The following LRRC25 variants were observed in gnomAD, a reference collection of about 807,000 sequenced individuals.
LRRC25 encodes leucine-rich repeat-containing protein 25.
LRRC25 carries 5 observed loss-of-function variants against 18.8 expected under a neutral mutation model. That is an observed-to-expected ratio of 0.27 (90% CI 0.14 to 0.56). The LOEUF (loss-of-function observed/expected upper bound fraction) is 0.56. Ranked by LOEUF, LRRC25 falls within the 20% of genes least tolerant of loss-of-function variation. The pLI is 0.93. For missense variants in LRRC25, 341 were observed against 389.8 expected, an observed-to-expected ratio of 0.87 and a Z score of 1.05; for synonymous variants, 161 against 176.8, an observed-to-expected ratio of 0.91 and a Z score of 0.71.
chr19:18,396,301 G>A lies in LRRC25; in HGVS notation c.663C>T (p.Tyr221=), dbSNP rs777229248. ...GGGGCTTGGGGGCGCTCCGGCTGCC[G>A]TACCGTGGCTGCAAGCCTAAACCGG... ...PKPGLGLQPR[Y]GSRSAPKPQV... The change falls in exon 1 of 2, where the codon TAC becomes TAT. Residue 221 remains tyrosine (Y), a synonymous_variant. Transcript: ENST00000339007. The A allele has an allele frequency of 8.9e-5, 143 of 1,613,640 alleles. 1 individual carries two copies. The Admixed American group carries it at 9.3e-4, about 11-fold the overall frequency.
rs139562741 is a variant in LRRC25, at chr19:18,396,942, T to C, written c.22A>G (p.Thr8Ala). The C allele has an allele frequency of 1.5e-3, 2,389 of 1,609,118 alleles. 9 individuals are homozygous for C. The highest frequency in any genetic ancestry group is 1.4e-3 in the Non-Finnish European group (1,697 of 1,177,568). Residue 8 changes from threonine (T) to alanine (A), a missense_variant, in exon 1 of 2, where the codon ACG (threonine) becomes GCG (alanine). Physicochemically the swap from Thr to Ala is moderately conservative, Grantham distance 58. Transcript: ENST00000339007. ...CGCAGCAGCAGCGGCAACAGCAGCG[T>C]CCATGCCAGGGTGCCCCCCATTCAA... The part of the protein sequence containing the change: MGGTLAW[T>A]LLLPLLLRES...
At chr19:18,392,310 G>A (rs774348979) in intron 1 of LRRC25, among the ~76,000 whole-genome samples, 185 bp from the exon 2 acceptor site, 2 of 152,014 alleles carry the variant, frequency 1.3e-5, no homozygotes, top group African/African-American at 2.4e-5. Context: ...TGGACAACAT[G>A]ATGAAACCTC....
chr19:18,392,228 C>T, intron 1 of LRRC25, 103 bp from the exon 2 acceptor site: 1 of 1,240,098 alleles, frequency 8.1e-7, no homozygotes, highest in Non-Finnish European at 1.2e-6. Flanking sequence ...TGCTCTGACT[C>T]ACGCCTGTAA....
intron 1 of LRRC25, among the ~76,000 whole-genome samples, chr19:18,392,461 C>A (rs1445816743): frequency 1.3e-5 from 2 of 151,476 alleles, no homozygotes; most frequent in Admixed American, 1.3e-4. Flanking sequence ...CATTGCACTT[C>A]AGCCTGGGAG....
intron 1 of LRRC25, among the ~76,000 whole-genome samples, chr19:18,395,370 CAAAA>C (rs11334806): frequency 2.8e-5 from 3 of 105,692 alleles, no homozygotes; most frequent in Non-Finnish European, 4.0e-5. Flanking sequence ...GACTCCATCT[CAAAA>C]AAAAAAAAAA....
chr19:18,393,578 G>A (rs184953714), intron 1 of LRRC25, among the ~76,000 whole-genome samples: 7 of 151,940 alleles, frequency 4.6e-5, no homozygotes, highest in Admixed American at 3.9e-4. Flanking sequence ...CCGAGATCAT[G>A]CCATTGCACT....
rs900084496 is a variant in LRRC25, at chr19:18,396,565, G to A, written c.399C>T (p.Gly133=). ...WHDIRRDNCS[G]QKPLLCWDTT... is the part of the protein sequence containing the mutation. ...TGTCCCAGCAGAGCAGAGGCTTCTG[G>A]CCAGAGCAGTTGTCTCGGCGGATGT... The change falls in exon 1 of 2, where the codon GGC becomes GGT. Residue 133 remains glycine (G), a synonymous_variant. Coordinates refer to ENST00000339007, the MANE Select transcript of LRRC25 (RefSeq NM_145256.3). The A allele has an allele frequency of 5.0e-6, 8 of 1,613,752 alleles. No homozygotes were observed. The Admixed American group carries it at 1.2e-4, about 24-fold the overall frequency.
intron 1 of LRRC25, 52 bp from the exon 2 acceptor site, chr19:18,392,177 G>A (rs186091095): frequency 1.9e-6 from 3 of 1,587,450 alleles, no homozygotes. Context: ...GGACTCAGGG[G>A]ACAGGCACAT....
At chr19:18,394,468 G>A (rs894899932) in intron 1 of LRRC25, among the ~76,000 whole-genome samples, 1 of 151,880 alleles carries the variant, frequency 6.6e-6, no homozygotes, top group African/African-American at 2.4e-5. Context: ...GACCATGCCC[G>A]GCTAATTTTT....
At chr19:18,397,622 CAG>C (rs1568334211), upstream of LRRC25, 1 of 152,870 alleles carries the variant, frequency 6.5e-6, no homozygotes, top group Non-Finnish European at 1.5e-5. Context: ...CCCAGCGACT[CAG>C]GGGGAAGAGG....
At chr19:18,395,322 G>C (rs1367989467) in intron 1 of LRRC25, among the ~76,000 whole-genome samples, 1 of 148,194 alleles carries the variant, frequency 6.7e-6, no homozygotes, top group Non-Finnish European at 1.5e-5. Context: ...AGTGAGCCGA[G>C]ATCGTGTCAC....
rs557287474 is a variant in LRRC25 at position 18,392,660 on chromosome 19, C to T, written c.780-535G>A. ...GGAAGGTTCTGTGGGTGTAACGCTG[C>T]GGTCTGAGGACCCTGAACCCTTTTT... On this transcript the variant is annotated intron_variant, in intron 1 of 1. Transcript: ENST00000339007. Among the ~76,000 whole-genome samples the T allele has an allele frequency of 1.2e-4, 18 of 152,162 alleles. 1 individual carries two copies. In the South Asian group the frequency reaches 1.2e-3, roughly 11 times the overall value.
At position 18,396,910 on chromosome 19, in the gene LRRC25, T is replaced by A. The variant is rs1302480339; in HGVS notation, c.54A>T (p.Ser18=). The change falls in exon 1 of 2, where the codon TCA becomes TCT. Residue 18 remains serine, a synonymous_variant. Transcript: ENST00000339007. ...CGGTGCACGACGGTTCTAGGCTGTCTGACTCCCGCAGCAGCAGCGGCAACA... is the reference window on the plus strand; with the variant it reads ...CGGTGCACGACGGTTCTAGGCTGTCAGACTCCCGCAGCAGCAGCGGCAACA... ...TLLLPLLLRE[S]DSLEPSCTVS... The A allele has an allele frequency of 6.2e-7, 1 of 1,612,364 alleles. No individual in the cohort carries two copies. Among genetic ancestry groups the A allele is most frequent in the African/African-American group, 1.3e-5 (1 of 75,042 alleles).
rs568367847 is a variant in LRRC25, at chr19:18,396,288, C to T, written c.676G>A (p.Ala226Thr). 7.2e-4 allele frequency: 1,160 copies of T among 1,612,428 alleles called. 13 individuals carry two copies. In the South Asian group the frequency reaches 0.012, roughly 17 times the overall value. ...GLQPRYGSRS[A>T]PKPQVAVPSC... ...GGCACGGCCACTTGGGGCTTGGGGG[C>T]GCTCCGGCTGCCGTACCGTGGCTGC... The change falls in exon 1 of 2, where the codon GCC (alanine) becomes ACC (threonine). Residue 226 changes from alanine (A) to threonine (T), a missense_variant. Ala to Thr is a moderately conservative substitution (Grantham distance 58). Transcript: ENST00000339007.
rs1399948317 is a variant in LRRC25, at chr19:18,397,237, C to T, written c.-274G>A. 3 of 484,168 alleles carry T rather than the reference C, an allele frequency of 6.2e-6. No homozygotes were observed. The Admixed American group carries it at 1.0e-4, about 17-fold the overall frequency. The allele number at this position is 484,168 out of a possible 1,614,324, so 30.0% of individuals were successfully genotyped here. A position where few individuals can be genotyped will look rare whatever the true frequency, so the allele number is the denominator to read the frequency against. ...TTAACCCCTTCTTCTATGTCCTGAACATTTGGGGCGCCCTCGTTGGCCAGG... is the reference window on the plus strand; with the variant it reads ...TTAACCCCTTCTTCTATGTCCTGAATATTTGGGGCGCCCTCGTTGGCCAGG... On this transcript the variant is annotated 5_prime_UTR_variant, in exon 1 of 2. An upstream start codon of the reference 5' UTR is lost. Transcript: ENST00000339007.
At position 18,397,470 on chromosome 19, in the gene LRRC25, C is replaced by T. The variant is rs974709855; in HGVS notation, c.-507G>A. On this transcript the variant is annotated 5_prime_UTR_variant, in exon 1 of 2. Coordinates refer to ENST00000339007, the MANE Select transcript of LRRC25 (RefSeq NM_145256.3). ...AGTCCTACCTTTTGGGTCCCACTGC[C>T]ACGCTTTTGCCTCTGCGATGCTGGA... The T allele has an allele frequency of 1.9e-5, 3 of 157,198 alleles. No individual in the cohort carries two copies. Among genetic ancestry groups the T allele is most frequent in the Admixed American group, 6.1e-5 (1 of 16,420 alleles). 9.7% of individuals were successfully genotyped at this position (157,198 alleles called of 1,614,324 possible).
chr19:18,395,636 A>T (rs141815370), intron 1 of LRRC25, among the ~76,000 whole-genome samples: 1 of 152,132 alleles, frequency 6.6e-6, no homozygotes, highest in Non-Finnish European at 1.5e-5. Flanking sequence ...AAGGGGGGGA[A>T]GTTTGTCCCA....
Position 18,392,121 on chromosome 19 carries a change from G to T in LRRC25, c.784C>A (p.His262Asn). The part of the protein sequence containing the change: ...AEHQWDEQGA[H>N]PSEDNDFYIN... ...TAAAAGTCATTGTCCTCTGAAGGGT[G>T]AGCCCTGGGGGGACAGACAGACCAG... Residue 262 changes from histidine (H) to asparagine (N), a missense_variant, in exon 2 of 2, where the codon CAC becomes AAC. Transcript: ENST00000339007. 7 of 1,613,824 alleles carry T rather than the reference G, an allele frequency of 4.3e-6. No homozygotes were observed. The highest frequency in any genetic ancestry group is 1.3e-5 in the African/African-American group (1 of 75,046).
At chr19:18,393,506 C>T (rs1384918998) in intron 1 of LRRC25, among the ~76,000 whole-genome samples, 3 of 151,870 alleles carry the variant, frequency 2.0e-5, no homozygotes, top group Admixed American at 1.3e-4. Flanking sequence ...CCCAGCTACT[C>T]GGGAGGCTGA....
Sources: gnomAD v4.1 joint callset for allele counts (sites outside exome capture counted in the v4.1 genomes callset) on GRCh38, gnomAD v4.1.1 for gene constraint, MANE v1.5 for transcripts, NCBI Gene and HGNC (gene_info 2026-07-23, HGNC 2026-07-21) for gene names.